Variants in XXYLT1 observed in about 807,000 individuals in gnomAD.
XXYLT1 encodes the protein UDP-xylose:alpha-xyloside alpha-1,3-xylosyltransferase.
Under a neutral mutation model 28.9 loss-of-function variants are expected in XXYLT1, and 20 were observed. That is an observed-to-expected ratio of 0.69 (90% CI 0.49 to 1.00). The LOEUF (loss-of-function observed/expected upper bound fraction) is 1.00, where lower values mean the gene tolerates loss of function less well. Ranked by LOEUF, XXYLT1 falls within the 50% of genes least tolerant of loss-of-function variation. The pLI, the probability that XXYLT1 is intolerant of heterozygous loss-of-function variation, is 0.00. For synonymous variants in XXYLT1, 257 were observed against 253.8 expected (o/e 1.01, Z -0.12); for missense variants, 542 against 560.1 (o/e 0.97, Z 0.33).
chr3:195,260,041 C>A (rs1162074618), intron 1 of XXYLT1: 3 of 152,418 alleles, frequency 2.0e-5, no homozygotes, highest in African/African-American at 7.2e-5. Context: ...AATGACCGCC[C>A]GCCGCAGCCC....
rs1726011548 is a variant in XXYLT1, at chr3:195,271,045, C to T, written c.14G>A (p.Arg5Gln). MGLL[R>Q]GGLPCARAMA... ...GGCCCGAGCGCATGGGAGCCCGCCTCGGAGGAGGCCCATGCGCTACGAGAC... is the reference window on the plus strand; with the variant it reads ...GGCCCGAGCGCATGGGAGCCCGCCTTGGAGGAGGCCCATGCGCTACGAGAC... The change falls in exon 1 of 4, where the codon CGA becomes CAA. Residue 5 changes from arginine to glutamine, a missense_variant. By Grantham distance (43) the Arg-to-Gln change is conservative. Transcript: ENST00000310380. The T allele has an allele frequency of 6.3e-6, 9 of 1,434,714 alleles. No individual in the cohort carries two copies. The highest frequency in any genetic ancestry group is 2.8e-5 in the Admixed American group (1 of 35,950). The allele number at this position is 1,434,714 out of a possible 1,614,324, so 88.9% of individuals were successfully genotyped here.
chr3:195,134,872 TGTGCGCGC>T (rs1028823088), intron 3 of XXYLT1, among the ~76,000 whole-genome samples: 45 of 88,560 alleles, frequency 5.1e-4, no homozygotes, highest in African/African-American at 1.7e-3. Context: ...TGTGTGTGCG[TGTGCGCGC>T]GTGCGCGCAC....
chr3:195,224,008 T>G (rs1723940494), intron 2 of XXYLT1, among the ~76,000 whole-genome samples: 2 of 151,670 alleles, frequency 1.3e-5, no homozygotes, highest in Non-Finnish European at 2.9e-5. Context: ...AATACAAAAC[T>G]AGCCAGGCGT....
chr3:195,104,165 C>A (rs1045337451), intron 3 of XXYLT1, among the ~76,000 whole-genome samples: 1 of 150,250 alleles, frequency 6.7e-6, no homozygotes, highest in African/African-American at 2.5e-5. Flanking sequence ...GAGCACACAC[C>A]CACTGTGACG....
chr3:195,217,125 A>T (rs1385107975), intron 2 of XXYLT1, among the ~76,000 whole-genome samples: 1 of 129,674 alleles, frequency 7.7e-6, no homozygotes, highest in African/African-American at 3.7e-5. Context: ...CTTCATGCTA[A>T]AAACTCTCAA....
chr3:195,099,612 C>T (rs9851581), intron 3 of XXYLT1, among the ~76,000 whole-genome samples: 17,787 of 151,980 alleles, frequency 0.12, 2,248 homozygotes, highest in African/African-American at 0.31. Flanking sequence ...GGGTGGATTA[C>T]GAGGTCAGAA....
Position 195,124,668 on chromosome 3 carries a change from C to A in XXYLT1, c.785+31781G>T, listed in dbSNP as rs1208198369. On this transcript the variant is annotated intron_variant, in intron 3 of 3. Coordinates refer to ENST00000310380, the MANE Select transcript of XXYLT1 (RefSeq NM_152531.5). This position sits in a 1 kb window ranked among gnomAD's most constrained non-coding sequence, Gnocchi z 4.1. ...TAATGAGCACATGCCTTACTGTCAA[C>A]TTCCAAAAACCCAAGACACTTTGAA... Among the ~76,000 whole-genome samples, 3 of 152,182 alleles carry A rather than the reference C, an allele frequency of 2.0e-5. No homozygotes were observed. Among genetic ancestry groups the A allele is most frequent in the Non-Finnish European group, 4.4e-5 (3 of 68,024 alleles).
chr3:195,215,929 TC>T (rs1431892585), intron 2 of XXYLT1, among the ~76,000 whole-genome samples: 2 of 151,764 alleles, frequency 1.3e-5, no homozygotes, highest in African/African-American at 2.4e-5. Flanking sequence ...GAAGTAAAGC[TC>T]TCCTCAGCAA....
chr3:195,087,836 G>A (rs930573517), intron 3 of XXYLT1, among the ~76,000 whole-genome samples: 20 of 152,044 alleles, frequency 1.3e-4, no homozygotes, highest in African/African-American at 3.9e-4. Context: ...CACCGTGCGC[G>A]AGCCGAAGCA....
intron 3 of XXYLT1, among the ~76,000 whole-genome samples, chr3:195,128,579 A>T (rs1183208938): frequency 6.6e-6 from 1 of 151,958 alleles, no homozygotes; most frequent in Non-Finnish European, 1.5e-5. Context: ...CCTGGACTAA[A>T]CTCTCATAGC....
intron 3 of XXYLT1, among the ~76,000 whole-genome samples, chr3:195,139,691 A>G (rs541640536): frequency 1.1e-4 from 17 of 152,308 alleles, no homozygotes; most frequent in African/African-American, 4.1e-4. Flanking sequence ...CCCCTTCCCA[A>G]AAACACTCCC....
intron 2 of XXYLT1, among the ~76,000 whole-genome samples, chr3:195,186,489 C>A (rs1436198297): frequency 1.3e-5 from 2 of 152,156 alleles, no homozygotes; most frequent in Non-Finnish European, 2.9e-5. Context: ...CTCCTTCCAC[C>A]CACAAAGCTT....
chr3:195,114,782 A>G (rs1717956851), intron 3 of XXYLT1, among the ~76,000 whole-genome samples: 1 of 152,368 alleles, frequency 6.6e-6, no homozygotes, highest in East Asian at 1.9e-4. Flanking sequence ...TAAGTGAAAA[A>G]GCAATCGCTT....
Position 195,209,541 on chromosome 3 carries a change from C to T in XXYLT1, c.652+17168G>A, listed in dbSNP as rs933840106. The T allele has an allele frequency of 2.0e-5, 3 of 152,432 alleles. No homozygotes were observed. The highest frequency in any genetic ancestry group is 7.2e-5 in the African/African-American group (3 of 41,476). The allele number at this position is 152,432 out of a possible 1,614,324, so 9.4% of individuals were successfully genotyped here. A position where few individuals can be genotyped will look rare whatever the true frequency, so the allele number is the denominator to read the frequency against. On this transcript the variant is annotated intron_variant, in intron 2 of 3. Transcript: ENST00000310380. The surrounding 1 kb of genome is among the most constrained non-coding windows in gnomAD (Gnocchi z 5.0). ...CAGGCAGCCCCACCGAAGCCGCACA[C>T]TTGGGCCCTCCTGACAGGCAGAGCC... is the stretch of plus-strand genomic sequence containing the variant.
chr3:195,243,385 G>C lies in XXYLT1; in HGVS notation c.505-16529C>G, dbSNP rs114632040. On this transcript the variant is annotated intron_variant, in intron 1 of 3. Coordinates refer to ENST00000310380, the MANE Select transcript of XXYLT1 (RefSeq NM_152531.5). ...AAAAAAAAAAAGAGATGGTTCGGGG[G>C]TTGTTTCTTATTATAAGAAAATTTC... Among the ~76,000 whole-genome samples, 458 of 151,146 alleles carry C rather than the reference G, an allele frequency of 3.0e-3. 4 individuals carry two copies. The highest frequency in any genetic ancestry group is 0.011 in the African/African-American group (435 of 41,192).
At chr3:195,242,714 C>T (rs758149440) in intron 1 of XXYLT1, among the ~76,000 whole-genome samples, 16 of 152,060 alleles carry the variant, frequency 1.1e-4, no homozygotes, top group Non-Finnish European at 2.1e-4. Context: ...TTACACAGCC[C>T]GCAGAAAAAC....
chr3:195,087,938 A>T (rs186505698), intron 3 of XXYLT1, among the ~76,000 whole-genome samples: 1 of 152,002 alleles, frequency 6.6e-6, no homozygotes, highest in East Asian at 1.9e-4. Context: ...CGCACCTGGA[A>T]AATCGGGTCA....
chr3:195,246,414 G>A (rs371160416), intron 1 of XXYLT1, among the ~76,000 whole-genome samples: 2 of 152,212 alleles, frequency 1.3e-5, no homozygotes, highest in South Asian at 2.1e-4. Context: ...GACGAAGACC[G>A]TGTAAGCACA....
At chr3:195,160,462 T>G (rs2108689437) in intron 2 of XXYLT1, among the ~76,000 whole-genome samples, 1 of 152,182 alleles carries the variant, frequency 6.6e-6, no homozygotes, top group East Asian at 1.9e-4. Flanking sequence ...ATGACAGCAT[T>G]AAGCTATGTG....
Sources: allele counts gnomAD v4.1 joint callset (sites outside exome capture counted in the v4.1 genomes callset), GRCh38; gene constraint gnomAD v4.1.1; non-coding constraint Gnocchi (gnomAD v3.1); transcripts MANE v1.5; gene names NCBI Gene and HGNC (gene_info 2026-07-23, HGNC 2026-07-21).